Variants in LDLRAD4 observed in about 807,000 individuals in gnomAD.
The protein encoded by LDLRAD4 is low-density lipoprotein receptor class A domain-containing protein 4.
In LDLRAD4, 5 loss-of-function variants were observed where a neutral mutation model predicts 17.0. The observed-to-expected ratio is 0.29, with a 90% CI of 0.15 to 0.62. The LOEUF is 0.62. Ranked by LOEUF, LDLRAD4 falls within the 20% of genes least tolerant of loss-of-function variation. LDLRAD4 has a pLI of 0.84. For synonymous variants in LDLRAD4, 168 were observed against 171.8 expected (o/e 0.98, Z 0.17); for missense variants, 340 against 424.7 (o/e 0.80, Z 1.75).
intron 1 of LDLRAD4, among the ~76,000 whole-genome samples, chr18:13,306,542 A>C (rs2046926623): frequency 6.6e-6 from 1 of 152,210 alleles, no homozygotes; most frequent in Non-Finnish European, 1.5e-5. Context: ...TCAGGGTCTC[A>C]AAAGGACCTT....
intron 1 of LDLRAD4, among the ~76,000 whole-genome samples, chr18:13,324,549 C>T (rs1378980203): frequency 6.6e-6 from 1 of 152,140 alleles, no homozygotes; most frequent in Admixed American, 6.5e-5. Flanking sequence ...GAGGGAGAAG[C>T]GGCCTGTGGG....
At chr18:13,221,347 T>A (rs946952678) in intron 1 of LDLRAD4, among the ~76,000 whole-genome samples, 1 of 152,188 alleles carries the variant, frequency 6.6e-6, no homozygotes, top group Non-Finnish European at 1.5e-5. Flanking sequence ...TTTTTTTAGG[T>A]CTCAGAAAAA....
In LDLRAD4 at chr18:13,262,283, C is replaced by T. The variant is rs1297516129; in HGVS notation, c.-466-15822C>T. Among the ~76,000 whole-genome samples the T allele has an allele frequency of 1.1e-3, 124 of 117,298 alleles. 3 individuals are homozygous for T. The highest frequency in any genetic ancestry group is 3.7e-3 in the African/African-American group (103 of 27,860). The allele number at this position is 117,298 out of a possible 152,430, so 77.0% of individuals were successfully genotyped here. On this transcript the variant is annotated intron_variant, in intron 1 of 5. Transcript: ENST00000399848. The stretch of plus-strand genomic sequence containing the variant: ...AAACTGAGTCCCGTGTGGCCCTGTG[C>T]GTGGAAACTGAGTCCCGTGTGGCTC...
At chr18:13,383,170 C>T (rs1321447973) in intron 1 of LDLRAD4, among the ~76,000 whole-genome samples, 3 of 152,226 alleles carry the variant, frequency 2.0e-5, no homozygotes, top group African/African-American at 7.2e-5. Context: ...TTTGCTGAGC[C>T]TTCTCTGCGC....
chr18:13,285,575 G>A (rs933507217), intron 1 of LDLRAD4, among the ~76,000 whole-genome samples: 1 of 152,204 alleles, frequency 6.6e-6, no homozygotes, highest in African/African-American at 2.4e-5. Flanking sequence ...TGCTGGGTTA[G>A]CTTAGTGAGC....
intron 1 of LDLRAD4, among the ~76,000 whole-genome samples, chr18:13,266,950 C>A (rs2044254129): frequency 6.6e-6 from 1 of 152,230 alleles, no homozygotes; most frequent in African/African-American, 2.4e-5. Context: ...AAGGCTAGAT[C>A]TCCTTTCATG....
chr18:13,376,254 G>A (rs1314617941), intron 1 of LDLRAD4, among the ~76,000 whole-genome samples: 1 of 152,212 alleles, frequency 6.6e-6, no homozygotes, highest in Non-Finnish European at 1.5e-5. Flanking sequence ...AACTCCAGTG[G>A]GGAAGGGAAT....
At chr18:13,252,059 A>C (rs1027543721) in intron 1 of LDLRAD4, among the ~76,000 whole-genome samples, 2 of 152,232 alleles carry the variant, frequency 1.3e-5, no homozygotes, top group Non-Finnish European at 2.9e-5. Flanking sequence ...CCCAGGAGAA[A>C]CAGTCTGCAT....
intron 1 of LDLRAD4, among the ~76,000 whole-genome samples, chr18:13,221,107 G>A (rs2145316818): frequency 6.6e-6 from 1 of 152,240 alleles, no homozygotes. Flanking sequence ...TTCTTCCTGT[G>A]TAAGAGTTAG....
At chr18:13,573,197 C>A (rs781637914) in intron 3 of LDLRAD4, among the ~76,000 whole-genome samples, 1 of 152,198 alleles carries the variant, frequency 6.6e-6, no homozygotes, top group Admixed American at 6.5e-5. Context: ...CTCCGCCTCC[C>A]GGGTTGAAGC....
In LDLRAD4 at chr18:13,312,086, C is replaced by T. The variant is rs191234697; in HGVS notation, c.-383+33898C>T. Among the ~76,000 whole-genome samples, 67 of 152,220 alleles carry T rather than the reference C, an allele frequency of 4.4e-4. No homozygotes were observed. The East Asian group carries it at 0.011, about 25-fold the overall frequency. On this transcript the variant is annotated intron_variant, in intron 1 of 5. Coordinates refer to ENST00000359446, the Ensembl canonical transcript of LDLRAD4. ...TCCTGACCTCAAGATCCGCCCGCCT[C>T]GGCCTCCCAAAGTGCTAGGATTACA...
intron 3 of LDLRAD4, among the ~76,000 whole-genome samples, chr18:13,493,270 C>G (rs1461083040): frequency 6.6e-6 from 1 of 152,198 alleles, no homozygotes; most frequent in Non-Finnish European, 1.5e-5. Context: ...ACCCCAAGGC[C>G]AGGCTGACAC....
intron 2 of LDLRAD4, among the ~76,000 whole-genome samples, chr18:13,404,304 G>A (rs1033417516): frequency 4.6e-5 from 7 of 152,172 alleles, no homozygotes; most frequent in African/African-American, 7.2e-5. Flanking sequence ...CTGAACAGGC[G>A]TGGAGATGTG....
At position 13,422,675 on chromosome 18, in the gene LDLRAD4, G is replaced by C. The variant is rs577453234; in HGVS notation, c.41-15569G>C. ...ATCACATCACTACACTCCAGCCTGG[G>C]TGGCAGAGTGAGACTCTGTCTCAAA... On this transcript the variant is annotated intron_variant, in intron 2 of 5. Transcript: ENST00000359446. 2.1e-4 allele frequency among the ~76,000 whole-genome samples: 32 copies of C among 152,316 alleles called. No homozygotes were observed. In the South Asian group the frequency reaches 4.8e-3, roughly 23 times the overall value.
At chr18:13,558,229 A>C (rs1437384841) in intron 3 of LDLRAD4, among the ~76,000 whole-genome samples, 1 of 152,238 alleles carries the variant, frequency 6.6e-6, no homozygotes, top group Non-Finnish European at 1.5e-5. Context: ...AGTGGGCTGC[A>C]TTCCTCCATA....
chr18:13,374,431 A>T (rs2084751260), intron 1 of LDLRAD4, among the ~76,000 whole-genome samples: 1 of 152,178 alleles, frequency 6.6e-6, no homozygotes, highest in South Asian at 2.1e-4. Flanking sequence ...CACTAATTAG[A>T]TGTGGTCCCC....
chr18:13,427,387 C>T (rs2090021566), intron 2 of LDLRAD4: 1 of 152,658 alleles, frequency 6.6e-6, no homozygotes, highest in African/African-American at 2.4e-5. Flanking sequence ...CACCTGAGGG[C>T]AAGGCTGGGG....
In LDLRAD4 at chr18:13,645,728, C is replaced by A; in HGVS notation, c.*71C>A. 8.0e-7 allele frequency: 1 copy of A among 1,247,718 alleles called. No homozygotes were observed. Among genetic ancestry groups the A allele is most frequent in the Non-Finnish European group, 1.1e-6 (1 of 902,210 alleles). 77.3% of individuals were successfully genotyped at this position (1,247,718 alleles called of 1,614,324 possible). ...AAGCGGCCGCTGGGCCCCTCCTGCG[C>A]ACAGTGTTGTTCAGTTTCACATGGT... On this transcript the variant is annotated 3_prime_UTR_variant, in exon 6 of 6. Coordinates refer to ENST00000359446, the Ensembl canonical transcript of LDLRAD4. This position sits in a 1 kb window ranked among gnomAD's most constrained non-coding sequence, Gnocchi z 5.7.
At chr18:13,520,292 G>A (rs1428735200) in intron 3 of LDLRAD4, 7 of 152,210 alleles carry the variant, frequency 4.6e-5, no homozygotes, top group Admixed American at 2.0e-4. Context: ...TCCTCTGATC[G>A]AGAGGAGGGA....
Sources: allele counts gnomAD v4.1 joint callset (sites outside exome capture counted in the v4.1 genomes callset), GRCh38; gene constraint gnomAD v4.1.1; non-coding constraint Gnocchi (gnomAD v3.1); transcripts MANE v1.5; gene names NCBI Gene and HGNC (gene_info 2026-07-23, HGNC 2026-07-21).